ACSM2A: variants seen among roughly 807,000 people sequenced by gnomAD.
The protein encoded by ACSM2A is acyl-CoA synthetase medium chain family member 2A.
A neutral mutation model predicts 76.6 loss-of-function variants in ACSM2A; 72 were observed. The observed-to-expected ratio is 0.94, with a 90% CI of 0.78 to 1.14. The LOEUF (loss-of-function observed/expected upper bound fraction) is 1.14, where lower values mean the gene tolerates loss of function less well. Ranked by LOEUF, ACSM2A falls within the 50% of genes most tolerant of loss-of-function variation. The pLI is 0.00. For synonymous variants in ACSM2A, 249 were observed against 255.9 expected, an observed-to-expected ratio of 0.97 and a Z score of 0.26; for missense variants, 684 against 708.5, an observed-to-expected ratio of 0.97 and a Z score of 0.39.
rs150888398 is a variant in ACSM2A, at chr16:20,475,772, C to T, written c.1097C>T (p.Thr366Met). The stretch of plus-strand genomic sequence containing the variant: ...CGAGAATCCTATGGCCAGACAGAAA[C>T]GGTACCTGTTCCCAGGGGAACCATG... Reference protein sequence around the residue: ...DIRESYGQTETGLTCMVSKTM... With the variant: ...DIRESYGQTEMGLTCMVSKTM... The change falls in exon 8 of 14, where the codon ACG (threonine) becomes ATG (methionine). Residue 366 changes from threonine (T) to methionine (M), a missense_variant and splice_region_variant. This residue lies in a region of ACSM2A where 519 missense variants were observed against 549.5 expected (regional missense o/e 0.94). Coordinates refer to ENST00000573854, the MANE Select transcript of ACSM2A (RefSeq NM_001308172.2). The T allele has an allele frequency of 8.0e-4, 1,299 of 1,613,702 alleles. No homozygotes were observed. Among genetic ancestry groups the T allele is most frequent in the Non-Finnish European group, 1.0e-3 (1,211 of 1,179,810 alleles).
intron 3 of ACSM2A, among the ~76,000 whole-genome samples, chr16:20,466,602 A>C (rs1054441779): frequency 6.6e-6 from 1 of 152,244 alleles, no homozygotes; most frequent in Non-Finnish European, 1.5e-5. Flanking sequence ...CAAGGGGCTA[A>C]GGAATAGTAA....
At chr16:20,473,003 C>T (rs1177826612) in intron 6 of ACSM2A, among the ~76,000 whole-genome samples, 1 of 152,152 alleles carries the variant, frequency 6.6e-6, no homozygotes, top group Non-Finnish European at 1.5e-5. Flanking sequence ...CCACAGACTG[C>T]AGCTATGCAT....
Position 20,477,394 on chromosome 16 carries a change from C to A in ACSM2A, c.1124C>A (p.Thr375Lys), listed in dbSNP as rs1749378989. The A allele has an allele frequency of 6.2e-7, 1 of 1,609,608 alleles. No homozygotes were observed. The highest frequency in any genetic ancestry group is 8.5e-7 in the Non-Finnish European group (1 of 1,177,342). The part of the protein sequence containing the change: ...ETGLTCMVSK[T>K]MKIKPGYMGT... ...GGATTAACTTGCATGGTTTCCAAGA[C>A]AATGAAAATCAAACCAGGATACATG... is the stretch of plus-strand genomic sequence containing the variant. The change falls in exon 9 of 14, where the codon ACA becomes AAA. Residue 375 changes from threonine (T) to lysine (K), a missense_variant. Thr to Lys is a moderately conservative substitution (Grantham distance 78). This residue lies in a region of ACSM2A where 519 missense variants were observed against 549.5 expected (regional missense o/e 0.94). Coordinates refer to ENST00000573854, the MANE Select transcript of ACSM2A (RefSeq NM_001308172.2).
chr16:20,475,823 A>G (rs1347054048), intron 8 of ACSM2A, 50 bp downstream of exon 8: 7 of 1,601,218 alleles, frequency 4.4e-6, no homozygotes, highest in African/African-American at 4.1e-5. Context: ...TTGGGCTTCA[A>G]AATTCTCTTT....
chr16:20,474,110 A>G, intron 6 of ACSM2A: 1 of 440,482 alleles, frequency 2.3e-6, no homozygotes, highest in Non-Finnish European at 4.5e-6. Flanking sequence ...CCTAAAATGT[A>G]TAAAACCAAG....
chr16:20,478,523 T>G, intron 9 of ACSM2A, 53 bp from the exon 10 acceptor site: 1 of 1,583,556 alleles, frequency 6.3e-7, no homozygotes, highest in Non-Finnish European at 8.6e-7. Context: ...ATGATGCCAT[T>G]GAAGCCATCT....
At chr16:20,481,252 A>T (rs2014065608) in intron 12 of ACSM2A, 1 of 328,344 alleles carries the variant, frequency 3.0e-6, no homozygotes, top group Admixed American at 4.5e-5. Flanking sequence ...AAATCAGCAT[A>T]TCAAGAAGAT....
chr16:20,467,137 C>T lies in ACSM2A; in HGVS notation c.388+1410C>T, dbSNP rs536458675. On this transcript the variant is annotated intron_variant, in intron 3 of 13. Coordinates refer to ENST00000573854, the MANE Select transcript of ACSM2A (RefSeq NM_001308172.2). ...ATTTTTCCAAAGGCAGTTTCAAAGC[C>T]ACAGAGGAGGGAAACTTGAAAATTA... 1.6e-4 allele frequency among the ~76,000 whole-genome samples: 25 copies of T among 152,238 alleles called. No individual in the cohort carries two copies. In the Middle Eastern group the frequency reaches 0.014, roughly 83 times the overall value.
chr16:20,478,705 T>C (rs779988816), intron 10 of ACSM2A, 28 bp downstream of exon 10: 15 of 1,597,538 alleles, frequency 9.4e-6, no homozygotes, highest in Non-Finnish European at 7.7e-6. Flanking sequence ...TCCTCCTCTG[T>C]TCCCCAGTGA....
At chr16:20,453,191 A>G (rs967296883) in intron 1 of ACSM2A, 5 of 152,050 alleles carry the variant, frequency 3.3e-5, no homozygotes, top group Non-Finnish European at 7.4e-5. Flanking sequence ...CTCACCATGC[A>G]CAGCCTCACC....
At chr16:20,471,746 T>C in intron 6 of ACSM2A, 57 bp downstream of exon 6, 1 of 1,565,776 alleles carries the variant, frequency 6.4e-7, no homozygotes, top group South Asian at 1.2e-5. Context: ...GTTTGCACAC[T>C]TCAATTTATT....
At chr16:20,482,983 A>C (rs999965318) in intron 12 of ACSM2A, 75 bp from the exon 13 acceptor site, 7 of 1,577,632 alleles carry the variant, frequency 4.4e-6, no homozygotes, top group Admixed American at 1.7e-5. Context: ...GGAAGTCTTA[A>C]TGCCAATTTC....
intron 13 of ACSM2A, among the ~76,000 whole-genome samples, chr16:20,484,556 G>A (rs537901969): frequency 1.3e-3 from 179 of 135,740 alleles, no homozygotes; most frequent in African/African-American, 4.8e-3. Flanking sequence ...AGGTTACCAC[G>A]CAAGAGGCTT....
chr16:20,477,301 A>G, intron 8 of ACSM2A, 68 bp from the exon 9 acceptor site: 1 of 1,568,590 alleles, frequency 6.4e-7, no homozygotes, highest in Non-Finnish European at 8.6e-7. Flanking sequence ...CTCTGCAGAA[A>G]TTTTTTCTTT....
chr16:20,461,991 G>C (rs551388793), intron 2 of ACSM2A, among the ~76,000 whole-genome samples: 2 of 152,288 alleles, frequency 1.3e-5, no homozygotes, highest in South Asian at 4.1e-4. Context: ...ATGTCTTCAA[G>C]TGCTGAGTTT....
rs762491911 is a variant in ACSM2A, at chr16:20,465,665, T to C, written c.326T>C (p.Val109Ala). Residue 109 changes from valine (V) to alanine (A), a missense_variant, in exon 3 of 14, where the codon GTG becomes GCG. Val to Ala is a moderately conservative substitution (Grantham distance 64). Around this residue, in one of 3 missense-constraint regions of ACSM2A, gnomAD observed 519 missense variants for 549.5 expected, o/e 0.94. Transcript: ENST00000573854. ...TGTGGCCTGCAGCGTGGGGATCGTGTGGCAGTGGTGCTGCCCCGAGTGCCT... is the reference window on the plus strand; with the variant it reads ...TGTGGCCTGCAGCGTGGGGATCGTGCGGCAGTGGTGCTGCCCCGAGTGCCT... ...GACGLQRGDR[V>A]AVVLPRVPEW... 12 of 1,613,984 alleles carry C rather than the reference T, an allele frequency of 7.4e-6. No individual in the cohort carries two copies. Among genetic ancestry groups the C allele is most frequent in the Non-Finnish European group, 9.3e-6 (11 of 1,179,862 alleles).
In ACSM2A at chr16:20,475,232, C is replaced by T. The variant is rs1191031337; in HGVS notation, c.895-130C>T. 3.9e-6 allele frequency: 6 copies of T among 1,554,618 alleles called. No individual in the cohort carries two copies. In the Admixed American group the frequency reaches 9.5e-5, roughly 25 times the overall value. ...TGGGGCTCATTTAACCTGAATCAGA[C>T]ATAGTAAACAAGCTAGGGTTTTCAT... On this transcript the variant is annotated intron_variant, in intron 6 of 13. Coordinates refer to ENST00000573854, the MANE Select transcript of ACSM2A (RefSeq NM_001308172.2).
rs1371787027 is a variant in ACSM2A, at chr16:20,460,256, A to G, written c.142A>G (p.Ser48Gly). ...AGTGCCGGCCAAGTTTAACTTTGCT[A>G]GTGATGTGTTGGATCACTGGGCTGA... ...QEVPAKFNFA[S>G]DVLDHWADME... The change falls in exon 2 of 14, where the codon AGT becomes GGT. Residue 48 changes from serine to glycine, a missense_variant. This residue lies in a region of ACSM2A where 519 missense variants were observed against 549.5 expected (regional missense o/e 0.94). Transcript: ENST00000573854. 1.2e-6 allele frequency: 2 copies of G among 1,613,564 alleles called. No individual in the cohort carries two copies. Among genetic ancestry groups the G allele is most frequent in the Admixed American group, 3.3e-5 (2 of 59,890 alleles).
chr16:20,483,388 G>T (rs2014205760), intron 13 of ACSM2A, among the ~76,000 whole-genome samples: 1 of 91,894 alleles, frequency 1.1e-5, no homozygotes, highest in South Asian at 3.1e-4. Context: ...TGGCCAACAT[G>T]GTGAAACCCC....
Sources: allele counts gnomAD v4.1 joint callset (sites outside exome capture counted in the v4.1 genomes callset), GRCh38; gene constraint gnomAD v4.1.1; regional missense constraint gnomAD v4.1.1; transcripts MANE v1.5; gene names NCBI Gene and HGNC (gene_info 2026-07-23, HGNC 2026-07-21).